Variants in XYLT2 observed in about 807,000 individuals in gnomAD.
XYLT2 encodes the protein UDP-D-xylose:proteoglycan core protein beta-D-xylosyltransferase.
XYLT2 carries 37 observed loss-of-function variants against 82.6 expected under a neutral mutation model. The observed-to-expected ratio is 0.45, with a 90% CI of 0.34 to 0.59. The LOEUF (loss-of-function observed/expected upper bound fraction) is 0.59, where lower values mean the gene tolerates loss of function less well. XYLT2 is among the 20% of genes least tolerant of loss of function. XYLT2 has a pLI of 0.01. For missense variants in XYLT2, 934 were observed against 1,181.3 expected, an observed-to-expected ratio of 0.79 and a Z score of 3.07; for synonymous variants, 474 against 499.0, an observed-to-expected ratio of 0.95 and a Z score of 0.67.
At chr17:50,358,176 C>T (rs1321133683) in intron 9 of XYLT2, 31 bp from the exon 10 acceptor site, 8 of 1,536,730 alleles carry the variant, frequency 5.2e-6, no homozygotes, top group Admixed American at 4.0e-5. Context: ...CTTTCCCCCA[C>T]ACTCCTGCCC....
intron 2 of XYLT2, 29 bp from the exon 3 acceptor site, chr17:50,354,379 C>T: frequency 1.3e-6 from 2 of 1,576,916 alleles, no homozygotes; most frequent in Non-Finnish European, 1.7e-6. Context: ...CTAGGGTGGG[C>T]CTCGCCAACG....
At chr17:50,347,778 G>C (rs1054447810) in intron 1 of XYLT2, among the ~76,000 whole-genome samples, 4 of 152,234 alleles carry the variant, frequency 2.6e-5, no homozygotes, top group African/African-American at 9.6e-5. Context: ...CCCCTCAGCT[G>C]CTCCCTCACC....
rs770789907 is a variant in XYLT2, at chr17:50,360,239, C to T, written c.2546C>T (p.Pro849Leu). 1 of 1,612,998 alleles carries T rather than the reference C, an allele frequency of 6.2e-7. No homozygotes were observed. Among genetic ancestry groups the T allele is most frequent in the Non-Finnish European group, 8.5e-7 (1 of 1,179,452 alleles). The change falls in exon 11 of 11, where the codon CCC becomes CTC. Residue 849 changes from proline to leucine, a missense_variant. By Grantham distance (98) the Pro-to-Leu change is moderately conservative. This residue lies in a region of XYLT2 where 374 missense variants were observed against 465.6 expected (regional missense o/e 0.80). Transcript: ENST00000017003. ...CRLTSWSSLS[P>L]DPKSELGPVK... ...CTGACCAGCTGGAGCTCTCTGTCCCCCGACCCCAAATCAGAGCTGGGGCCT... is the reference window on the plus strand; with the variant it reads ...CTGACCAGCTGGAGCTCTCTGTCCCTCGACCCCAAATCAGAGCTGGGGCCT...
At position 50,356,080 on chromosome 17, in the gene XYLT2, T is replaced by C. The variant is rs370476224; in HGVS notation, c.1306-5T>C. ...TCACCTTCCACTCTCCCTTGCTGCT[T>C]GCAGTCCTTCTTCCACACGGTGCTG... is the stretch of plus-strand genomic sequence containing the variant. On this transcript the variant is annotated splice_polypyrimidine_tract_variant and splice_region_variant and intron_variant, in intron 6 of 10. Transcript: ENST00000017003. 3 of 1,614,022 alleles carry C rather than the reference T, an allele frequency of 1.9e-6. No homozygotes were observed. Among genetic ancestry groups the C allele is most frequent in the Non-Finnish European group, 2.5e-6 (3 of 1,179,956 alleles).
rs1031127094 is a variant in XYLT2, at chr17:50,354,742, G to C, written c.805-112G>C. On this transcript the variant is annotated intron_variant, in intron 3 of 10. Coordinates refer to ENST00000017003, the MANE Select transcript of XYLT2 (RefSeq NM_022167.4). The stretch of plus-strand genomic sequence containing the variant: ...CACGAGCCAGCTCAGCCGCTTAGGG[G>C]CTGGAGCCCTGCCCTGTGCTTTCCT... 5 of 1,551,910 alleles carry C rather than the reference G, an allele frequency of 3.2e-6. No homozygotes were observed. In the Admixed American group the frequency reaches 6.9e-5, roughly 22 times the overall value.
chr17:50,354,747 A>G (rs1598350656), intron 3 of XYLT2, 107 bp from the exon 4 acceptor site: 2 of 1,548,872 alleles, frequency 1.3e-6, no homozygotes, highest in African/African-American at 2.7e-5. Flanking sequence ...TAGGGGCTGG[A>G]GCCCTGCCCT....
chr17:50,354,392 T>C lies in XYLT2; in HGVS notation c.629-16T>C. ...ACCTAGGGTGGGCCTCGCCAACGCC[T>C]GTCCTCTGCTCTCAGGGAAGATGAG... On this transcript the variant is annotated splice_polypyrimidine_tract_variant and intron_variant, in intron 2 of 10. Transcript: ENST00000017003. The C allele has an allele frequency of 6.3e-7, 1 of 1,597,160 alleles. No homozygotes were observed. Among genetic ancestry groups the C allele is most frequent in the Non-Finnish European group, 8.5e-7 (1 of 1,170,440 alleles).
rs145098209 is a variant in XYLT2 at position 50,358,345 on chromosome 17, A to G, written c.2080A>G (p.Thr694Ala). ...LTATVVWIDP[T>A]YVVATSYDIT... ...AGCCACAGTGGTCTGGATCGACCCA[A>G]CCTATGTGGTGGCCACATCTTATGA... Residue 694 changes from threonine to alanine, a missense_variant, in exon 10 of 11, where the codon ACC (threonine) becomes GCC (alanine). Physicochemically the swap from Thr to Ala is moderately conservative, Grantham distance 58 (BLOSUM62 0). Transcript: ENST00000017003. 2.4e-5 allele frequency: 38 copies of G among 1,613,784 alleles called. No homozygotes were observed. Among genetic ancestry groups the G allele is most frequent in the Middle Eastern group, 3.3e-4 (2 of 6,084 alleles).
At position 50,360,974 on chromosome 17, in the gene XYLT2, G is replaced by A; in HGVS notation, c.*683G>A. 1 of 985,928 alleles carries A rather than the reference G, an allele frequency of 1.0e-6. No individual in the cohort carries two copies. Among genetic ancestry groups the A allele is most frequent in the Non-Finnish European group, 1.2e-6 (1 of 829,980 alleles). 61.1% of individuals were successfully genotyped at this position (985,928 alleles called of 1,614,324 possible). A position where few individuals can be genotyped will look rare whatever the true frequency, so the allele number is the denominator to read the frequency against. Reference sequence around the variant, plus strand: ...CCCTGCCCCTGGATGGGAAAGGCAGGGTCAGGGCCCACTGAGACCCATGCA... The same window carrying A: ...CCCTGCCCCTGGATGGGAAAGGCAGAGTCAGGGCCCACTGAGACCCATGCA... On this transcript the variant is annotated 3_prime_UTR_variant, in exon 11 of 11. Transcript: ENST00000017003.
At chr17:50,355,366 C>A in intron 4 of XYLT2, 135 bp from the exon 5 acceptor site, 2 of 963,014 alleles carry the variant, frequency 2.1e-6, no homozygotes, top group Non-Finnish European at 3.2e-6. Flanking sequence ...GTGCTCACCA[C>A]CCCAGACATC....
Position 50,360,117 on chromosome 17 carries a change from C to G in XYLT2, c.2424C>G (p.Leu808=), listed in dbSNP as rs149455429. The G allele has an allele frequency of 1.4e-5, 22 of 1,613,830 alleles. No homozygotes were observed. Among genetic ancestry groups the G allele is most frequent in the Non-Finnish European group, 1.6e-5 (19 of 1,179,966 alleles). ...ACACACAGCTCACAGGCCCTGCGCT[C>G]GAGGCCTGGACAGACAGGGAACTGA... ...QRHTQLTGPA[L]EAWTDRELSS... The change falls in exon 11 of 11, where the codon CTC becomes CTG. Residue 808 remains leucine (L), a synonymous_variant. Coordinates refer to ENST00000017003, the MANE Select transcript of XYLT2 (RefSeq NM_022167.4).
At chr17:50,347,675 C>T (rs1364938677) in intron 1 of XYLT2, among the ~76,000 whole-genome samples, 1 of 152,272 alleles carries the variant, frequency 6.6e-6, no homozygotes, top group Non-Finnish European at 1.5e-5. Context: ...CCACCACCTC[C>T]TCCTCCAGCT....
At chr17:50,355,191 C>T in intron 4 of XYLT2, 135 bp downstream of exon 4, 2 of 988,200 alleles carry the variant, frequency 2.0e-6, no homozygotes. Flanking sequence ...ACATGGGCCC[C>T]TGGGCCCCAG....
At position 50,346,856 on chromosome 17, in the gene XYLT2, C is replaced by CAAA. The variant is rs1912064356; in HGVS notation, c.135+581_135+582insAAA. On this transcript the variant is annotated intron_variant, in intron 1 of 10. Coordinates refer to ENST00000017003, the MANE Select transcript of XYLT2 (RefSeq NM_022167.4). The surrounding 1 kb of genome is among the most constrained non-coding windows in gnomAD (Gnocchi z 5.1). Reference sequence around the variant, plus strand: ...CCGAAGGAGAGAACTGGAGTATTCCCGAGGTGTGGCTTCCTCAGCCGGGGG... The same window carrying CAAA: ...CCGAAGGAGAGAACTGGAGTATTCCCAAAGAGGTGTGGCTTCCTCAGCCGGGGG... The CAAA allele has an allele frequency of 1.0e-6, 1 of 985,184 alleles. No homozygotes were observed. 61.0% of individuals were successfully genotyped at this position (985,184 alleles called of 1,614,324 possible). A position where few individuals can be genotyped will look rare whatever the true frequency, so the allele number is the denominator to read the frequency against.
rs767567626 is a variant in XYLT2 at position 50,360,067 on chromosome 17, C to G, written c.2374C>G (p.Leu792Val). Residue 792 changes from leucine to valine, a missense_variant, in exon 11 of 11, where the codon CTC becomes GTC. Leu to Val is a conservative substitution (Grantham distance 32). Transcript: ENST00000017003. ...CATCCTGAACCTGCCTCAGCCGGAG[C>G]TCGCGGAGGAGGCTGCCCAGCGGCA... ...SSILNLPQPE[L>V]AEEAAQRHTQ... 1 of 1,613,996 alleles carries G rather than the reference C, an allele frequency of 6.2e-7. No homozygotes were observed. Among genetic ancestry groups the G allele is most frequent in the Admixed American group, 1.7e-5 (1 of 60,030 alleles).
At chr17:50,354,333 C>A in intron 2 of XYLT2, 75 bp from the exon 3 acceptor site, 1 of 1,520,518 alleles carries the variant, frequency 6.6e-7, no homozygotes, top group Non-Finnish European at 8.8e-7. Context: ...GGAAGGCAGG[C>A]AGCTCCCTCT....
In XYLT2 at chr17:50,358,233, G is replaced by A. The variant is rs772597585; in HGVS notation, c.1968G>A (p.Glu656=). The stretch of plus-strand genomic sequence containing the variant: ...TTGGCACTGATTGGGACCCCAAAGA[G>A]CGTCTTTTCCGGAACTTTGGGGGGT... ...LEVGTDWDPK[E]RLFRNFGGLL... Residue 656 remains glutamate, a synonymous_variant, in exon 10 of 11, where the codon GAG becomes GAA. Coordinates refer to ENST00000017003, the MANE Select transcript of XYLT2 (RefSeq NM_022167.4). 1 of 1,609,358 alleles carries A rather than the reference G, an allele frequency of 6.2e-7. No individual in the cohort carries two copies. Among genetic ancestry groups the A allele is most frequent in the Non-Finnish European group, 8.5e-7 (1 of 1,177,046 alleles).
In XYLT2 at chr17:50,355,966, A is replaced by C; in HGVS notation, c.1274A>C (p.Gln425Pro). 2 of 1,614,208 alleles carry C rather than the reference A, an allele frequency of 1.2e-6. No homozygotes were observed. The highest frequency in any genetic ancestry group is 1.7e-6 in the Non-Finnish European group (2 of 1,180,024). Residue 425 changes from glutamine to proline, a missense_variant, in exon 6 of 11, where the codon CAG (glutamine) becomes CCG (proline). By Grantham distance (76) the Gln-to-Pro change is moderately conservative (BLOSUM62 -1). Transcript: ENST00000017003. ...TDDPLVAQLRQFYTYTLLPAE... is the reference protein window; with the variant it reads ...TDDPLVAQLRPFYTYTLLPAE... Reference sequence around the variant, plus strand: ...GACCCGCTTGTGGCCCAGCTGCGCCAGTTCTACACATACACACTGCTCCCA... The same window carrying C: ...GACCCGCTTGTGGCCCAGCTGCGCCCGTTCTACACATACACACTGCTCCCA...
chr17:50,352,414 GGAGCTGACATGTCTCTCATC>G (rs1326099019), intron 1 of XYLT2, among the ~76,000 whole-genome samples: 2 of 152,210 alleles, frequency 1.3e-5, no homozygotes, highest in Non-Finnish European at 2.9e-5. Flanking sequence ...CTGGAGAGAT[GGAGCTGACATGTCTCTCATC>G]AAGGAGTTCA....
Sources: gnomAD v4.1 joint callset for allele counts (sites outside exome capture counted in the v4.1 genomes callset) on GRCh38, gnomAD v4.1.1 for gene constraint, gnomAD v4.1.1 regional missense constraint, Gnocchi (gnomAD v3.1) non-coding constraint, MANE v1.5 for transcripts, NCBI Gene and HGNC (gene_info 2026-07-23, HGNC 2026-07-21) for gene names.